HLA-B: variants seen among roughly 807,000 people sequenced by gnomAD.
HLA-B encodes the protein HLA class I antigen HLA-B.
Under a neutral mutation model 41.5 loss-of-function variants are expected in HLA-B, and 31 were observed. That is an observed-to-expected ratio of 0.75 (90% CI 0.56 to 1.01). The LOEUF is 1.01. Among genes scored for constraint, HLA-B ranks in the 50% least tolerant of loss-of-function variants. The pLI is 0.00. For synonymous variants in HLA-B, 138 were observed against 189.0 expected (o/e 0.73, Z 2.21); for missense variants, 369 against 457.2 (o/e 0.81, Z 1.76).
In HLA-B at chr6:31,356,909, C is replaced by G; in HGVS notation, c.122G>C (p.Arg41Pro). ...YFYTSVSRPG[R>P]GEPRFISVGY... ...CACTGAGATGAAGCGGGGCTCCCCG[C>G]GGCCGGGCCGGGACACGGAGGTGTA... Residue 41 changes from arginine to proline, a missense_variant, in exon 2 of 8, where the codon CGC (arginine) becomes CCC (proline). By Grantham distance (103) the Arg-to-Pro change is moderately radical (BLOSUM62 -2). Around this residue, in one of 6 missense-constraint regions of HLA-B, gnomAD observed 113 missense variants for 173.2 expected, o/e 0.65. Coordinates refer to ENST00000412585, the MANE Select transcript of HLA-B (RefSeq NM_005514.8). The G allele has an allele frequency of 1.8e-6, 2 of 1,095,882 alleles. No individual in the cohort carries two copies. The highest frequency in any genetic ancestry group is 1.7e-5 in the South Asian group (1 of 58,556). The allele number at this position is 1,095,882 out of a possible 1,614,324, so 67.9% of individuals were successfully genotyped here.
At chr6:31,354,820 C>A (rs1210023683) in intron 5 of HLA-B, 155 bp from the exon 6 acceptor site, 2 of 420,466 alleles carry the variant, frequency 4.8e-6, no homozygotes, top group Admixed American at 3.9e-5. Context: ...AAGTGTGGGT[C>A]CTGGACCAAC....
Position 31,355,228 on chromosome 6 carries a change from GA to G in HLA-B, c.896-6del. ...CGGTGGACTGGGAAGACGGCTCTGG[GA>G]AAGGAGGGGAAGATGAGGGGCCCTG... On this transcript the variant is annotated splice_region_variant and splice_polypyrimidine_tract_variant and intron_variant, in intron 4 of 7. Coordinates refer to ENST00000412585, the MANE Select transcript of HLA-B (RefSeq NM_005514.8). 9.7e-7 allele frequency: 1 copy of G among 1,028,482 alleles called. No individual in the cohort carries two copies. Among genetic ancestry groups the G allele is most frequent in the Non-Finnish European group, 1.2e-6 (1 of 806,454 alleles). 63.7% of individuals were successfully genotyped at this position (1,028,482 alleles called of 1,614,324 possible).
chr6:31,354,532 G>A lies in HLA-B; in HGVS notation c.1046-6C>T, dbSNP rs1766730565. 1.5e-6 allele frequency: 2 copies of A among 1,349,574 alleles called. No individual in the cohort carries two copies. The highest frequency in any genetic ancestry group is 2.1e-5 in the African/African-American group (1 of 48,468). The allele number at this position is 1,349,574 out of a possible 1,614,324, so 83.6% of individuals were successfully genotyped here. A position where few individuals can be genotyped will look rare whatever the true frequency, so the allele number is the denominator to read the frequency against. Reference sequence around the variant, plus strand: ...GCCCTGGGCACTGTCGCTGCCTGGAGTAGAACAAAAACAGGACCTGGTCAG... The same window carrying A: ...GCCCTGGGCACTGTCGCTGCCTGGAATAGAACAAAAACAGGACCTGGTCAG... On this transcript the variant is annotated splice_region_variant and splice_polypyrimidine_tract_variant and intron_variant, in intron 6 of 7. Transcript: ENST00000412585.
rs1428828934 is a variant in HLA-B, at chr6:31,355,814, G to A, written c.620-222C>T. ...GGGACTTCTGCTCCTGATCTGAGTGGAGGTAAAGTGACTCAGAAGTGCTGG... is the reference window on the plus strand; with the variant it reads ...GGGACTTCTGCTCCTGATCTGAGTGAAGGTAAAGTGACTCAGAAGTGCTGG... On this transcript the variant is annotated intron_variant, in intron 3 of 7. Coordinates refer to ENST00000412585, the MANE Select transcript of HLA-B (RefSeq NM_005514.8). 7 of 668,418 alleles carry A rather than the reference G, an allele frequency of 1.0e-5. No homozygotes were observed. The Admixed American group carries it at 1.4e-4, about 13-fold the overall frequency. The allele number at this position is 668,418 out of a possible 1,614,324, so 41.4% of individuals were successfully genotyped here. A position where few individuals can be genotyped will look rare whatever the true frequency, so the allele number is the denominator to read the frequency against.
rs151341348 is a variant in HLA-B, at chr6:31,355,513, G to A, written c.699C>T (p.Tyr233=). 2.7e-6 allele frequency: 4 copies of A among 1,501,376 alleles called. No homozygotes were observed. Among genetic ancestry groups the A allele is most frequent in the African/African-American group, 1.9e-5 (1 of 51,298 alleles). The allele number at this position is 1,501,376 out of a possible 1,614,324, so 93.0% of individuals were successfully genotyped here. The change falls in exon 4 of 8, where the codon TAC becomes TAT. Residue 233 remains tyrosine (Y), a synonymous_variant. Transcript: ENST00000412585. ...ATLRCWALGF[Y]PAEITLTWQR... ...GCCAGGTCAGTGTGATCTCCGCAGGGTAGAAACCCAGGGCCCAGCACCTCA... is the reference window on the plus strand; with the variant it reads ...GCCAGGTCAGTGTGATCTCCGCAGGATAGAAACCCAGGGCCCAGCACCTCA...
intron 3 of HLA-B, 123 bp from the exon 4 acceptor site, chr6:31,355,715 G>C (rs41544517): frequency 1.1e-6 from 1 of 879,718 alleles, no homozygotes; most frequent in African/African-American, 2.3e-5. Flanking sequence ...ACAGAACCCA[G>C]ACACCAGCCT....
At chr6:31,354,437 CA>C (rs771958279) in intron 7 of HLA-B, 41 bp downstream of exon 7, 2 of 338,886 alleles carry the variant, frequency 5.9e-6, no homozygotes, top group Non-Finnish European at 9.2e-6. Flanking sequence ...CACCCACCCC[CA>C]GACCCGCCAC....
intron 2 of HLA-B, 63 bp downstream of exon 2, chr6:31,356,625 C>G: frequency 7.5e-7 from 1 of 1,340,374 alleles, no homozygotes; most frequent in Non-Finnish European, 1.0e-6. Context: ...AGACTCGGGG[C>G]GACCCGGGCC....
intron 3 of HLA-B, chr6:31,355,871 C>T: frequency 1.6e-6 from 1 of 625,104 alleles, no homozygotes. Context: ...GAGTGTGAGG[C>T]AGAGAACAAG....
In HLA-B at chr6:31,357,077, C is replaced by T; in HGVS notation, c.73+9G>A. On this transcript the variant is annotated intron_variant, in intron 1 of 7. Coordinates refer to ENST00000412585, the MANE Select transcript of HLA-B (RefSeq NM_005514.8). The stretch of plus-strand genomic sequence containing the variant: ...GGCAGAGGCCATTTCCCTCCCGACC[C>T]GCACTCACCGGCCCAGGTCTCGGTC... 1 of 911,948 alleles carries T rather than the reference C, an allele frequency of 1.1e-6. No homozygotes were observed. The highest frequency in any genetic ancestry group is 1.4e-6 in the Non-Finnish European group (1 of 700,436). 56.5% of individuals were successfully genotyped at this position (911,948 alleles called of 1,614,324 possible).
chr6:31,354,687 T>TG, intron 5 of HLA-B, 22 bp from the exon 6 acceptor site: 1 of 1,241,182 alleles, frequency 8.1e-7, no homozygotes, highest in Non-Finnish European at 1.1e-6. Flanking sequence ...AAATGTCCTG[T>TG]GAGGGCACTG....
In HLA-B at chr6:31,354,251, T is replaced by C. The variant is rs1325238968; in HGVS notation, c.*50A>G. 3.1e-6 allele frequency: 2 copies of C among 637,110 alleles called. No individual in the cohort carries two copies. The highest frequency in any genetic ancestry group is 3.3e-5 in the East Asian group (1 of 30,358). 39.5% of individuals were successfully genotyped at this position (637,110 alleles called of 1,614,324 possible). On this transcript the variant is annotated 3_prime_UTR_variant, in exon 8 of 8. Coordinates refer to ENST00000412585, the MANE Select transcript of HLA-B (RefSeq NM_005514.8). ...CTCTTGAAGTCACAAAGGGGAGGCG[T>C]GAAGAAATCCTGCATCTCAGTCCCT...
In HLA-B at chr6:31,354,113, TG is replaced by T; in HGVS notation, c.*187del. The T allele has an allele frequency of 1.9e-5, 9 of 468,570 alleles. No individual in the cohort carries two copies. Among genetic ancestry groups the T allele is most frequent in the South Asian group, 1.9e-4 (9 of 47,476 alleles). 29.0% of individuals were successfully genotyped at this position (468,570 alleles called of 1,614,324 possible). A position where few individuals can be genotyped will look rare whatever the true frequency, so the allele number is the denominator to read the frequency against. The stretch of plus-strand genomic sequence containing the variant: ...ACTGGGGAGGAAACACAGGTCAGCA[TG>T]GGAACAGGGGTCACAGTGGACACAA... On this transcript the variant is annotated 3_prime_UTR_variant, in exon 8 of 8. Coordinates refer to ENST00000412585, the MANE Select transcript of HLA-B (RefSeq NM_005514.8).
chr6:31,356,464 G>GCCCCGT, intron 2 of HLA-B, 22 bp from the exon 3 acceptor site: 2 of 723,612 alleles, frequency 2.8e-6, no homozygotes, highest in Non-Finnish European at 3.7e-6. Context: ...CCCGCGGTCA[G>GCCCCGT]CCCAGTCCCC....
chr6:31,355,094 A>C lies in HLA-B; in HGVS notation c.1012+13T>G, dbSNP rs1277523170. The C allele has an allele frequency of 6.0e-6, 5 of 833,460 alleles. No homozygotes were observed. Among genetic ancestry groups the C allele is most frequent in the South Asian group, 4.5e-5 (2 of 44,208 alleles). The allele number at this position is 833,460 out of a possible 1,614,324, so 51.6% of individuals were successfully genotyped here. Reference sequence around the variant, plus strand: ...CAAGAAAACCCAGACCCCACCCCTCACCCCTTCCCTACCTGAACTCTTCCT... The same window carrying C: ...CAAGAAAACCCAGACCCCACCCCTCCCCCCTTCCCTACCTGAACTCTTCCT... On this transcript the variant is annotated intron_variant, in intron 5 of 7. Coordinates refer to ENST00000412585, the MANE Select transcript of HLA-B (RefSeq NM_005514.8).
In HLA-B at chr6:31,355,328, G is replaced by A; in HGVS notation, c.884C>T (p.Thr295Ile). The A allele has an allele frequency of 1.3e-6, 2 of 1,577,630 alleles. No individual in the cohort carries two copies. The highest frequency in any genetic ancestry group is 1.7e-6 in the Non-Finnish European group (2 of 1,169,200). ...VQHEGLPKPL[T>I]LRWEPSSQST... ...ATCCCCCTCCTTACCCCATCTCAGGGTGAGGGGCTTCGGCAGCCCCTCATG... is the reference window on the plus strand; with the variant it reads ...ATCCCCCTCCTTACCCCATCTCAGGATGAGGGGCTTCGGCAGCCCCTCATG... Residue 295 changes from threonine (T) to isoleucine (I), a missense_variant, in exon 4 of 8, where the codon ACC becomes ATC. By Grantham distance (89) the Thr-to-Ile change is moderately conservative (BLOSUM62 -1). This residue lies in a region of HLA-B where 23 missense variants were observed against 37.0 expected (regional missense o/e 0.62). Transcript: ENST00000412585.
Position 31,357,112 on chromosome 6 carries a change from G to C in HLA-B, c.47C>G (p.Ala16Gly), listed in dbSNP as rs45585233. 1 of 901,138 alleles carries C rather than the reference G, an allele frequency of 1.1e-6. No homozygotes were observed. Among genetic ancestry groups the C allele is most frequent in the Non-Finnish European group, 1.4e-6 (1 of 695,602 alleles). The allele number at this position is 901,138 out of a possible 1,614,324, so 55.8% of individuals were successfully genotyped here. ...PRTVLLLLSA[A>G]LALTETWAGS... is the part of the protein sequence containing the mutation. ...GGCCCAGGTCTCGGTCAGGGCCAGG[G>C]CCGCCGAGAGCAGCAGGAGGACGGT... The change falls in exon 1 of 8, where the codon GCC becomes GGC. Residue 16 changes from alanine (A) to glycine (G), a missense_variant. Around this residue, in one of 6 missense-constraint regions of HLA-B, gnomAD observed 30 missense variants for 20.9 expected, o/e 1.44. Transcript: ENST00000412585.
chr6:31,354,572 G>T (rs371775438), intron 6 of HLA-B, 46 bp from the exon 7 acceptor site: 2 of 1,473,558 alleles, frequency 1.4e-6, no homozygotes, highest in Non-Finnish European at 1.8e-6. Flanking sequence ...CGCAGGAGAC[G>T]TGGGACAGGA....
chr6:31,354,423 G>GCCCCCCC, intron 7 of HLA-B, 56 bp downstream of exon 7: 3 of 318,248 alleles, frequency 9.4e-6, no homozygotes, highest in Non-Finnish European at 1.1e-5. Flanking sequence ...TTTCCCCTCT[G>GCCCCCCC]CCCCACCCAC....
Sources: allele counts gnomAD v4.1 joint callset, GRCh38; gene constraint gnomAD v4.1.1; regional missense constraint gnomAD v4.1.1; transcripts MANE v1.5; gene names NCBI Gene and HGNC (gene_info 2026-07-23, HGNC 2026-07-21).